Variants in FAM184B observed in about 807,000 individuals in gnomAD.
The protein encoded by FAM184B is family with sequence similarity 184 member B.
A neutral mutation model predicts 135.9 loss-of-function variants in FAM184B; 111 were observed. The ratio of observed to expected loss-of-function variants is 0.82; its 90% confidence interval spans 0.70 to 0.96. The LOEUF (loss-of-function observed/expected upper bound fraction) is 0.96. Among genes scored for constraint, FAM184B ranks in the 40% least tolerant of loss-of-function variants. FAM184B has a pLI of 0.00. For synonymous variants in FAM184B, 552 were observed against 524.8 expected (o/e 1.05, Z -0.71); for missense variants, 1,375 against 1,323.9 (o/e 1.04, Z -0.60).
intron 1 of FAM184B, among the ~76,000 whole-genome samples, chr4:17,720,883 T>TAAAA (rs59409749): frequency 1.0e-5 from 1 of 100,326 alleles, no homozygotes; most frequent in African/African-American, 3.8e-5. Flanking sequence ...AGACTTCATC[T>TAAAA]AAAAAAAAAA....
At chr4:17,778,897 G>A (rs1718980744) in intron 1 of FAM184B, among the ~76,000 whole-genome samples, 1 of 152,002 alleles carries the variant, frequency 6.6e-6, no homozygotes. Flanking sequence ...AAAACTCTAG[G>A]CAGCAATAAA....
chr4:17,653,074 C>T, intron 10 of FAM184B, 91 bp from the exon 11 acceptor site: 1 of 1,235,262 alleles, frequency 8.1e-7, no homozygotes, highest in Admixed American at 2.0e-5. Context: ...AGCCAGGATG[C>T]TCTGAACACT....
At chr4:17,685,774 T>C (rs1399268015) in intron 7 of FAM184B, among the ~76,000 whole-genome samples, 1 of 152,062 alleles carries the variant, frequency 6.6e-6, no homozygotes, top group Admixed American at 6.6e-5. Context: ...CTATACATCC[T>C]GCAGCACACA....
intron 6 of FAM184B, among the ~76,000 whole-genome samples, chr4:17,689,111 T>C (rs1239069933): frequency 6.6e-6 from 1 of 152,194 alleles, no homozygotes; most frequent in East Asian, 1.9e-4. Flanking sequence ...CTATACTCGA[T>C]CTGTAGGGTG....
In FAM184B at chr4:17,709,325, A is replaced by T; in HGVS notation, c.461T>A (p.Leu154His). ...GAGCCTCCTCTCGTAGTCAGCCTTG[A>T]GCTCCAGCATTTCCCTGGAGAGCGT... ...VLTLSREMLE[L>H]KADYERRLQH... The change falls in exon 2 of 18, where the codon CTC (leucine) becomes CAC (histidine). Residue 154 changes from leucine (L) to histidine (H), a missense_variant. Leu to His is a moderately conservative substitution (Grantham distance 99, BLOSUM62 -3). Transcript: ENST00000265018. 2 of 1,550,010 alleles carry T rather than the reference A, an allele frequency of 1.3e-6. No homozygotes were observed. Among genetic ancestry groups the T allele is most frequent in the Non-Finnish European group, 8.7e-7 (1 of 1,146,118 alleles).
At chr4:17,771,923 C>T (rs944009096) in intron 1 of FAM184B, among the ~76,000 whole-genome samples, 2 of 152,180 alleles carry the variant, frequency 1.3e-5, no homozygotes. Flanking sequence ...TAAAGCCTCA[C>T]AACATATCAC....
chr4:17,748,797 A>T (rs1156331018), intron 1 of FAM184B, among the ~76,000 whole-genome samples: 1 of 151,934 alleles, frequency 6.6e-6, no homozygotes, highest in East Asian at 1.9e-4. Context: ...GATTACAGAC[A>T]TGAGCCACTG....
chr4:17,750,941 T>C (rs964641332), intron 1 of FAM184B, among the ~76,000 whole-genome samples: 1 of 152,064 alleles, frequency 6.6e-6, no homozygotes, highest in Non-Finnish European at 1.5e-5. Flanking sequence ...GACATGGAAC[T>C]CAGTCCCGAC....
intron 1 of FAM184B, among the ~76,000 whole-genome samples, chr4:17,740,664 T>C (rs1000594190): frequency 6.6e-6 from 1 of 152,198 alleles, no homozygotes; most frequent in Admixed American, 6.5e-5. Context: ...AGAGTGGCAG[T>C]TGCCCAGTTG....
intron 7 of FAM184B, 49 bp from the exon 8 acceptor site, chr4:17,664,708 T>G: frequency 1.4e-6 from 2 of 1,394,110 alleles, no homozygotes; most frequent in African/African-American, 1.5e-5. Flanking sequence ...AAGATGAGCT[T>G]AAGTACAGCT....
chr4:17,637,756 G>T (rs976403555), intron 14 of FAM184B, among the ~76,000 whole-genome samples: 4 of 152,190 alleles, frequency 2.6e-5, no homozygotes, highest in African/African-American at 9.7e-5. Flanking sequence ...TGGGCAAGTG[G>T]CTTCACCTGT....
intron 14 of FAM184B, among the ~76,000 whole-genome samples, chr4:17,638,877 C>T (rs1715227359): frequency 6.6e-6 from 1 of 152,078 alleles, no homozygotes; most frequent in Non-Finnish European, 1.5e-5. Context: ...TGCTCTGTTG[C>T]TGAAGCTGGA....
At chr4:17,684,166 T>A (rs1454786217) in intron 7 of FAM184B, among the ~76,000 whole-genome samples, 1 of 146,314 alleles carries the variant, frequency 6.8e-6, no homozygotes, top group Admixed American at 6.9e-5. Flanking sequence ...TAAAATATAA[T>A]ATAAAATAAA....
Position 17,631,384 on chromosome 4 carries a change from C to T in FAM184B, c.*1148G>A, listed in dbSNP as rs1431955929. The T allele has an allele frequency of 6.6e-6, 1 of 152,170 alleles. No homozygotes were observed. The highest frequency in any genetic ancestry group is 1.5e-5 in the Non-Finnish European group (1 of 68,120). The allele number at this position is 152,170 out of a possible 1,614,324, so 9.4% of individuals were successfully genotyped here. ...CTCGCTGTGTTGCCCAGGCTGGTCT[C>T]AAATTCCTGGCCTCAAGCTCTCCTC... On this transcript the variant is annotated 3_prime_UTR_variant, in exon 18 of 18. Coordinates refer to ENST00000265018, the MANE Select transcript of FAM184B (RefSeq NM_015688.2).
chr4:17,743,973 G>T (rs765036946), intron 1 of FAM184B, among the ~76,000 whole-genome samples: 1 of 152,188 alleles, frequency 6.6e-6, no homozygotes, highest in Non-Finnish European at 1.5e-5. Flanking sequence ...CCGTTTCCAA[G>T]CTAATTCAGG....
At chr4:17,644,405 T>G (rs1449925070) in intron 12 of FAM184B, among the ~76,000 whole-genome samples, 2 of 152,172 alleles carry the variant, frequency 1.3e-5, no homozygotes, top group Non-Finnish European at 2.9e-5. Context: ...GTGGGCTTCA[T>G]CCCTGGGATG....
chr4:17,642,491 ACCACACT>A (rs756878117), intron 12 of FAM184B, among the ~76,000 whole-genome samples: 16 of 152,084 alleles, frequency 1.1e-4, no homozygotes, highest in Non-Finnish European at 1.5e-5. Context: ...ATGAACACCA[ACCACACT>A]CCACACTCCA....
intron 1 of FAM184B, among the ~76,000 whole-genome samples, chr4:17,768,523 C>G (rs997915535): frequency 6.6e-6 from 1 of 152,208 alleles, no homozygotes; most frequent in Non-Finnish European, 1.5e-5. Context: ...GTTTTACCCG[C>G]CTCGGCCTCC....
chr4:17,757,299 C>T (rs1280024400), intron 1 of FAM184B, among the ~76,000 whole-genome samples: 1 of 152,032 alleles, frequency 6.6e-6, no homozygotes, highest in Non-Finnish European at 1.5e-5. Flanking sequence ...GTGTATGAAA[C>T]CACAGATTTA....
Sources: gnomAD v4.1 joint callset for allele counts (sites outside exome capture counted in the v4.1 genomes callset) on GRCh38, gnomAD v4.1.1 for gene constraint, MANE v1.5 for transcripts, NCBI Gene and HGNC (gene_info 2026-07-23, HGNC 2026-07-21) for gene names.